Variants in VPS50 observed in about 807,000 individuals in gnomAD.
VPS50 encodes the protein syndetin.
VPS50 carries 70 observed loss-of-function variants against 139.7 expected under a neutral mutation model. The observed-to-expected ratio is 0.50, with a 90% CI of 0.41 to 0.61. The LOEUF is 0.61. Among genes scored for constraint, VPS50 ranks in the 20% least tolerant of loss-of-function variants. VPS50 has a pLI of 0.00. For synonymous variants in VPS50, 365 were observed against 376.7 expected (o/e 0.97, Z 0.36); for missense variants, 921 against 1,133.7 (o/e 0.81, Z 2.69).
intron 19 of VPS50, among the ~76,000 whole-genome samples, chr7:93,310,258 AT>A (rs1477732490): frequency 6.6e-6 from 1 of 152,074 alleles, no homozygotes; most frequent in Non-Finnish European, 1.5e-5. Flanking sequence ...AATTGAACAA[AT>A]TAGTAACTGA....
At chr7:93,239,105 T>C (rs1794903709) in intron 1 of VPS50, among the ~76,000 whole-genome samples, 1 of 152,152 alleles carries the variant, frequency 6.6e-6, no homozygotes, top group South Asian at 2.1e-4. Context: ...AAAGGACAAT[T>C]TGTATCATAA....
At chr7:93,319,962 A>T (rs1797551978) in intron 20 of VPS50, among the ~76,000 whole-genome samples, 1 of 151,968 alleles carries the variant, frequency 6.6e-6, no homozygotes, top group Non-Finnish European at 1.5e-5. Context: ...TTTATTACTG[A>T]GAAATTTAAT....
chr7:93,348,839 G>T, intron 24 of VPS50, 32 bp downstream of exon 24: 3 of 1,391,892 alleles, frequency 2.2e-6, no homozygotes, highest in African/African-American at 1.4e-5. Context: ...CATTTCAACT[G>T]TGAGGAAGAT....
At chr7:93,343,401 G>A (rs1275598963) in intron 23 of VPS50, among the ~76,000 whole-genome samples, 9 of 152,246 alleles carry the variant, frequency 5.9e-5, no homozygotes, top group South Asian at 4.1e-4. Context: ...CAAGTTGGAA[G>A]ACACTCTGCA....
Position 93,296,746 on chromosome 7 carries a change from T to C in VPS50, c.1172T>C (p.Val391Ala). 6.2e-7 allele frequency: 1 copy of C among 1,601,384 alleles called. No individual in the cohort carries two copies. The highest frequency in any genetic ancestry group is 8.5e-7 in the Non-Finnish European group (1 of 1,177,326). ...TTCTTTTTCTTTGCCTTACAGGATGTTCAGCTAAAAGTAAAAACCTACTTG... is the reference window on the plus strand; with the variant it reads ...TTCTTTTTCTTTGCCTTACAGGATGCTCAGCTAAAAGTAAAAACCTACTTG... ...EHGLTRIWQD[V>A]QLKVKTYLLG... The change falls in exon 15 of 28, where the codon GTT becomes GCT. Residue 391 changes from valine to alanine, a missense_variant. By Grantham distance (64) the Val-to-Ala change is moderately conservative (BLOSUM62 0). Transcript: ENST00000305866.
intron 12 of VPS50, among the ~76,000 whole-genome samples, chr7:93,286,886 G>A (rs141791747): frequency 3.9e-5 from 6 of 151,982 alleles, no homozygotes; most frequent in African/African-American, 1.4e-4. Context: ...TGGTTGCATG[G>A]CATAATGGAA....
intron 25 of VPS50, among the ~76,000 whole-genome samples, chr7:93,351,345 T>G (rs1264606020): frequency 6.6e-6 from 1 of 152,190 alleles, no homozygotes; most frequent in Non-Finnish European, 1.5e-5. Flanking sequence ...ATGTAATTTA[T>G]AAATAATGAT....
intron 9 of VPS50, among the ~76,000 whole-genome samples, chr7:93,265,930 C>T (rs913856002): frequency 2.6e-5 from 4 of 152,072 alleles, no homozygotes; most frequent in African/African-American, 7.2e-5. Context: ...TAGTTAGATC[C>T]AAAGTGATCT....
At chr7:93,233,049 T>A (rs745410370) in intron 1 of VPS50, among the ~76,000 whole-genome samples, 9 of 152,238 alleles carry the variant, frequency 5.9e-5, no homozygotes, top group Non-Finnish European at 1.3e-4. Flanking sequence ...TAAGCTAATA[T>A]ATGTGAAAAC....
intron 12 of VPS50, among the ~76,000 whole-genome samples, chr7:93,288,692 C>T (rs1796563458): frequency 6.6e-6 from 1 of 152,034 alleles, no homozygotes; most frequent in South Asian, 2.1e-4. Flanking sequence ...AGGTTTTAAT[C>T]AGAAGATATT....
chr7:93,319,594 GA>G (rs1797539910), intron 20 of VPS50, among the ~76,000 whole-genome samples: 1 of 151,720 alleles, frequency 6.6e-6, no homozygotes. Flanking sequence ...CTCTCTCTTT[GA>G]AAACTTTTAA....
chr7:93,297,916 G>T (rs542474884), intron 16 of VPS50, among the ~76,000 whole-genome samples: 120 of 152,118 alleles, frequency 7.9e-4, no homozygotes, highest in African/African-American at 2.7e-3. Context: ...TTTGAGTTGA[G>T]TTTCATCTTA....
Position 93,258,512 on chromosome 7 carries a change from A to G in VPS50, c.576+120A>G, listed in dbSNP as rs184715558. On this transcript the variant is annotated intron_variant, in intron 8 of 27. Transcript: ENST00000305866. ...TATGATATAAAGAATATTTTTAGAC[A>G]TGTAAGATTTTTAGACGTCAAAGAT... 440 of 756,182 alleles carry G rather than the reference A, an allele frequency of 5.8e-4. 2 individuals are homozygous for G. The African/African-American group carries it at 7.2e-3, about 12-fold the overall frequency. 46.8% of individuals were successfully genotyped at this position (756,182 alleles called of 1,614,324 possible). A position where few individuals can be genotyped will look rare whatever the true frequency, so the allele number is the denominator to read the frequency against.
intron 9 of VPS50, among the ~76,000 whole-genome samples, chr7:93,264,051 G>A (rs1170142149): frequency 6.6e-6 from 1 of 152,184 alleles, no homozygotes; most frequent in Non-Finnish European, 1.5e-5. Flanking sequence ...AAGAACTTGA[G>A]TATCCGTGGA....
chr7:93,295,432 G>C (rs1796780905), intron 14 of VPS50: 1 of 152,182 alleles, frequency 6.6e-6, no homozygotes. Context: ...CACCTTGGAG[G>C]TTAGAATTTC....
intron 18 of VPS50, 31 bp from the exon 19 acceptor site, chr7:93,308,793 C>T: frequency 7.9e-7 from 1 of 1,264,306 alleles, no homozygotes; most frequent in East Asian, 2.3e-5. Context: ...GCCCTTTATA[C>T]TCATTTTTTA....
Position 93,356,006 on chromosome 7 carries a change from G to T in VPS50, c.2701G>T (p.Glu901Ter). ...LTDIRPIPDK[E>*]FVETYIKAYY... ...AGATATTAGACCCATTCCTGATAAA[G>T]AATTTGTAGAAACTTATATTAAAGC... The change falls in exon 27 of 28, where the codon GAA (glutamate) becomes TAA (stop). Residue 901 changes from glutamate to a stop codon, truncating the protein, a stop_gained. Coordinates refer to ENST00000305866, the MANE Select transcript of VPS50 (RefSeq NM_017667.4). LOFTEE classifies it high-confidence loss of function. The T allele has an allele frequency of 1.9e-6, 3 of 1,582,982 alleles. No homozygotes were observed. The highest frequency in any genetic ancestry group is 1.7e-5 in the Admixed American group (1 of 59,200).
chr7:93,348,288 G>A (rs545940189), intron 23 of VPS50, among the ~76,000 whole-genome samples: 1 of 152,136 alleles, frequency 6.6e-6, no homozygotes, highest in African/African-American at 2.4e-5. Flanking sequence ...GAATGTTGGG[G>A]TTACTTCTGA....
In VPS50 at chr7:93,323,664, C is replaced by A; in HGVS notation, c.1909C>A (p.His637Asn). 1.5e-6 allele frequency: 2 copies of A among 1,359,682 alleles called. No individual in the cohort carries two copies. Among genetic ancestry groups the A allele is most frequent in the African/African-American group, 1.5e-5 (1 of 66,696 alleles). The allele number at this position is 1,359,682 out of a possible 1,614,324, so 84.2% of individuals were successfully genotyped here. A position where few individuals can be genotyped will look rare whatever the true frequency, so the allele number is the denominator to read the frequency against. ...TAAGCCAATTGCCTTTGATGTTATTCATTTCATGTCTCAACTATTTGATTA... is the reference window on the plus strand; with the variant it reads ...TAAGCCAATTGCCTTTGATGTTATTAATTTCATGTCTCAACTATTTGATTA... ...ILKPIAFDVIHFMSQLFDYYL... is the reference protein window; with the variant it reads ...ILKPIAFDVINFMSQLFDYYL... Residue 637 changes from histidine to asparagine, a missense_variant, in exon 21 of 28, where the codon CAT (histidine) becomes AAT (asparagine). By Grantham distance (68) the His-to-Asn change is moderately conservative. Coordinates refer to ENST00000305866, the MANE Select transcript of VPS50 (RefSeq NM_017667.4).
Sources: gnomAD v4.1 joint callset for allele counts (sites outside exome capture counted in the v4.1 genomes callset) on GRCh38, gnomAD v4.1.1 for gene constraint, MANE v1.5 for transcripts, NCBI Gene and HGNC (gene_info 2026-07-23, HGNC 2026-07-21) for gene names.